SYT9: variants seen among roughly 807,000 people sequenced by gnomAD.
SYT9 encodes the protein synaptotagmin 9, also known as synaptotagmin-9.
In SYT9, 22 loss-of-function variants were observed where a neutral mutation model predicts 48.4. The ratio of observed to expected loss-of-function variants is 0.45; its 90% CI spans 0.32 to 0.65. The LOEUF (loss-of-function observed/expected upper bound fraction) is 0.65. SYT9 is among the 30% of genes least tolerant of loss of function. The pLI is 0.03. For missense variants in SYT9, 577 were observed against 622.0 expected (o/e 0.93, Z 0.77); for synonymous variants, 265 against 245.0 (o/e 1.08, Z -0.76).
chr11:7,454,918 G>A (rs1196336033), intron 6 of SYT9, among the ~76,000 whole-genome samples: 1 of 152,204 alleles, frequency 6.6e-6, no homozygotes, highest in African/African-American at 2.4e-5. Flanking sequence ...AATGCTAACA[G>A]CATGGCTGAG....
chr11:7,351,108 T>C (rs537512811), intron 3 of SYT9, among the ~76,000 whole-genome samples: 4 of 152,358 alleles, frequency 2.6e-5, no homozygotes, highest in South Asian at 2.1e-4. Context: ...TAAAAAATTA[T>C]CTTTAATGAT....
At chr11:7,465,362 T>C (rs1173885894) in intron 6 of SYT9, among the ~76,000 whole-genome samples, 1 of 152,246 alleles carries the variant, frequency 6.6e-6, no homozygotes, top group Non-Finnish European at 1.5e-5. Context: ...ATGTGAACTT[T>C]TGATCTCTGA....
chr11:7,410,745 G>A (rs1847121911), intron 3 of SYT9, among the ~76,000 whole-genome samples: 1 of 152,118 alleles, frequency 6.6e-6, no homozygotes, highest in South Asian at 2.1e-4. Flanking sequence ...TATCTTGACA[G>A]GTAAAGTGTA....
intron 3 of SYT9, among the ~76,000 whole-genome samples, chr11:7,404,885 A>G (rs923157538): frequency 2.4e-4 from 37 of 152,304 alleles, no homozygotes; most frequent in African/African-American, 8.9e-4. Context: ...AACCATACAG[A>G]TCACAGAAAG....
At chr11:7,361,746 A>T (rs1461462732) in intron 3 of SYT9, among the ~76,000 whole-genome samples, 1 of 152,232 alleles carries the variant, frequency 6.6e-6, no homozygotes, top group East Asian at 1.9e-4. Context: ...GCTGGAAATG[A>T]GATCAGCTGC....
intron 6 of SYT9, among the ~76,000 whole-genome samples, chr11:7,458,273 G>T (rs1848182557): frequency 6.6e-6 from 1 of 152,184 alleles, no homozygotes; most frequent in Non-Finnish European, 1.5e-5. Flanking sequence ...CTGAGGTCAG[G>T]AGTTCGAGAC....
At position 7,328,997 on chromosome 11, in the gene SYT9, A is replaced by AT. The variant is rs149180014; in HGVS notation, c.1044+15059dup. Among the ~76,000 whole-genome samples, 236 of 152,280 alleles carry AT rather than the reference A, an allele frequency of 1.5e-3. 1 individual carries two copies. Among genetic ancestry groups the AT allele is most frequent in the Non-Finnish European group, 1.1e-3 (78 of 68,014 alleles). Reference sequence around the variant, plus strand: ...TGCCATACTTCGAGACTTCTCTGAAATTTGATTATAGTATGAATGGTGTTG... The same window carrying AT: ...TGCCATACTTCGAGACTTCTCTGAAATTTTGATTATAGTATGAATGGTGTTG... On this transcript the variant is annotated intron_variant, in intron 3 of 6. Transcript: ENST00000318881.
chr11:7,345,659 C>T (rs914796317), intron 3 of SYT9, among the ~76,000 whole-genome samples: 3 of 152,098 alleles, frequency 2.0e-5, no homozygotes, highest in Non-Finnish European at 4.4e-5. Flanking sequence ...ACCTGTGAGA[C>T]ATTCAAGTAT....
intron 1 of SYT9, among the ~76,000 whole-genome samples, chr11:7,278,933 C>G (rs766401537): frequency 1.1e-4 from 17 of 152,106 alleles, no homozygotes; most frequent in Admixed American, 3.9e-4. Flanking sequence ...GTGCTGATAC[C>G]CAGAAAGAAT....
chr11:7,268,037 G>A (rs910262711), intron 1 of SYT9, among the ~76,000 whole-genome samples: 2 of 151,920 alleles, frequency 1.3e-5, no homozygotes, highest in Non-Finnish European at 2.9e-5. Context: ...AAATTGAAAG[G>A]TAGTCAAAGA....
intron 3 of SYT9, among the ~76,000 whole-genome samples, chr11:7,354,977 G>A (rs1564873913): frequency 6.6e-6 from 1 of 152,036 alleles, no homozygotes; most frequent in Admixed American, 6.5e-5. Flanking sequence ...ATTTACCTAT[G>A]AAGTTGTTAA....
At chr11:7,408,807 A>G (rs1590005264) in intron 3 of SYT9, among the ~76,000 whole-genome samples, 1 of 151,964 alleles carries the variant, frequency 6.6e-6, no homozygotes, top group Admixed American at 6.5e-5. Context: ...GATGCCTTTT[A>G]TTTTATTATT....
intron 1 of SYT9, among the ~76,000 whole-genome samples, chr11:7,254,446 T>C (rs1847929460): frequency 1.3e-5 from 2 of 152,210 alleles, no homozygotes; most frequent in African/African-American, 4.8e-5. Flanking sequence ...TTCCTTGCCT[T>C]GCCGACATTA....
intron 6 of SYT9, among the ~76,000 whole-genome samples, chr11:7,430,116 T>C (rs1847541464): frequency 6.6e-6 from 1 of 152,228 alleles, no homozygotes; most frequent in African/African-American, 2.4e-5. Flanking sequence ...AACACAATAA[T>C]TTTAGCAATT....
chr11:7,263,531 G>T (rs1848118321), intron 1 of SYT9, among the ~76,000 whole-genome samples: 1 of 152,184 alleles, frequency 6.6e-6, no homozygotes, highest in East Asian at 1.9e-4. Context: ...CAAACAACTG[G>T]TTAGAAGTCA....
At chr11:7,330,736 C>T (rs1205955968) in intron 3 of SYT9, among the ~76,000 whole-genome samples, 1 of 152,022 alleles carries the variant, frequency 6.6e-6, no homozygotes, top group African/African-American at 2.4e-5. Context: ...CCCTCTTGTT[C>T]CCCAGGCTGG....
intron 1 of SYT9, among the ~76,000 whole-genome samples, chr11:7,286,060 G>T (rs1373622637): frequency 1.3e-5 from 2 of 152,218 alleles, no homozygotes; most frequent in Admixed American, 1.3e-4. Context: ...TCTGGGGTCT[G>T]GAGGATGGTG....
Position 7,251,977 on chromosome 11 carries a change from A to G in SYT9, c.-210A>G. ...GAGGGACCGGGCGGGAGAGAGAGAA[A>G]GCCTGACCGACCGGCTGGCGAAGAG... On this transcript the variant is annotated 5_prime_UTR_variant, in exon 1 of 7. Transcript: ENST00000318881. 2.1e-6 allele frequency: 1 copy of G among 467,914 alleles called. No homozygotes were observed. The highest frequency in any genetic ancestry group is 3.6e-6 in the Non-Finnish European group (1 of 275,170). 29.0% of individuals were successfully genotyped at this position (467,914 alleles called of 1,614,324 possible).
At position 7,466,876 on chromosome 11, in the gene SYT9, C is replaced by T; in HGVS notation, c.*76C>T. On this transcript the variant is annotated 3_prime_UTR_variant, in exon 7 of 7. Transcript: ENST00000318881. ...CACAAAGATCTTAAGTAACTTTTTC[C>T]ATCCAGCAACATCCAGACGATTTCA... The T allele has an allele frequency of 6.6e-7, 1 of 1,524,922 alleles. No individual in the cohort carries two copies. Among genetic ancestry groups the T allele is most frequent in the Non-Finnish European group, 9.0e-7 (1 of 1,108,700 alleles). 94.5% of individuals were successfully genotyped at this position (1,524,922 alleles called of 1,614,324 possible). A position where few individuals can be genotyped will look rare whatever the true frequency, so the allele number is the denominator to read the frequency against.
Sources: gnomAD v4.1 joint callset for allele counts (sites outside exome capture counted in the v4.1 genomes callset) on GRCh38, gnomAD v4.1.1 for gene constraint, MANE v1.5 for transcripts, NCBI Gene and HGNC (gene_info 2026-07-23, HGNC 2026-07-21) for gene names.